Variants in MACROD2 observed in about 807,000 individuals in gnomAD.
The protein encoded by MACROD2 is ADP-ribose glycohydrolase MACROD2.
Under a neutral mutation model 70.4 loss-of-function variants are expected in MACROD2, and 36 were observed. The observed-to-expected ratio is 0.51, with a 90% CI of 0.39 to 0.68. The LOEUF (loss-of-function observed/expected upper bound fraction) is 0.68. MACROD2 is among the 30% of genes least tolerant of loss of function. The pLI, the probability that MACROD2 is intolerant of heterozygous loss-of-function variation, is 0.00. For missense variants in MACROD2, 496 were observed against 538.4 expected, an observed-to-expected ratio of 0.92 and a Z score of 0.78; for synonymous variants, 172 against 178.8, an observed-to-expected ratio of 0.96 and a Z score of 0.30.
intron 3 of MACROD2, among the ~76,000 whole-genome samples, chr20:14,088,821 T>C (rs1300406488): frequency 6.6e-6 from 1 of 152,214 alleles, no homozygotes; most frequent in African/African-American, 2.4e-5. Context: ...ATTTAATATG[T>C]ATGATTGAAT....
At chr20:15,951,716 G>A (rs946719281) in intron 12 of MACROD2, among the ~76,000 whole-genome samples, 1 of 152,052 alleles carries the variant, frequency 6.6e-6, no homozygotes, top group Non-Finnish European at 1.5e-5. Flanking sequence ...TATGTGCAAG[G>A]CGATATTTCT....
At chr20:16,046,248 T>G (rs1347250851) in intron 17 of MACROD2, among the ~76,000 whole-genome samples, 1 of 152,150 alleles carries the variant, frequency 6.6e-6, no homozygotes, top group Non-Finnish European at 1.5e-5. Flanking sequence ...TAAAACTAAA[T>G]GTAATGGTAT....
intron 8 of MACROD2, among the ~76,000 whole-genome samples, chr20:15,752,724 C>T (rs2051291137): frequency 6.6e-6 from 1 of 152,062 alleles, no homozygotes; most frequent in Admixed American, 6.6e-5. Context: ...GCTGGAATCA[C>T]TTGTATATTT....
At chr20:15,662,820 G>T (rs564179415) in intron 8 of MACROD2, among the ~76,000 whole-genome samples, 5 of 151,718 alleles carry the variant, frequency 3.3e-5, no homozygotes, top group African/African-American at 1.2e-4. Context: ...AAATATTGCA[G>T]TTGGTATGTT....
chr20:15,722,194 A>G (rs1166880090), intron 8 of MACROD2, among the ~76,000 whole-genome samples: 1 of 152,144 alleles, frequency 6.6e-6, no homozygotes, highest in African/African-American at 2.4e-5. Context: ...TAATGGGGCT[A>G]TGAATGGTTT....
intron 5 of MACROD2, among the ~76,000 whole-genome samples, chr20:14,856,656 G>A (rs890602588): frequency 1.3e-5 from 2 of 152,138 alleles, no homozygotes; most frequent in African/African-American, 4.8e-5. Context: ...CCCAGGGGTG[G>A]TGTGAAAATA....
At chr20:14,907,493 G>A (rs1258555917) in intron 5 of MACROD2, among the ~76,000 whole-genome samples, 3 of 152,200 alleles carry the variant, frequency 2.0e-5, no homozygotes, top group African/African-American at 7.2e-5. Context: ...TCAGTATGTG[G>A]TCCAGGAGGG....
chr20:15,419,165 G>A (rs929794966), intron 6 of MACROD2, among the ~76,000 whole-genome samples: 3 of 152,140 alleles, frequency 2.0e-5, no homozygotes, highest in Non-Finnish European at 4.4e-5. Context: ...GCAAATCCCA[G>A]GTGATTACCC....
At chr20:14,971,664 T>A (rs536246845) in intron 5 of MACROD2, among the ~76,000 whole-genome samples, 1 of 152,184 alleles carries the variant, frequency 6.6e-6, no homozygotes, top group Non-Finnish European at 1.5e-5. Flanking sequence ...GCTTGAGTCA[T>A]CTGAAGACTC....
At chr20:15,334,686 A>G (rs980029401) in intron 6 of MACROD2, among the ~76,000 whole-genome samples, 1 of 151,648 alleles carries the variant, frequency 6.6e-6, no homozygotes, top group African/African-American at 2.4e-5. Flanking sequence ...GGCACCATGG[A>G]AAGTCTCATA....
chr20:15,308,080 A>T (rs1481097188), intron 6 of MACROD2, among the ~76,000 whole-genome samples: 3 of 152,156 alleles, frequency 2.0e-5, no homozygotes, highest in African/African-American at 7.2e-5. Context: ...ATTACAGGTA[A>T]TGGTAAGTTT....
intron 3 of MACROD2, among the ~76,000 whole-genome samples, chr20:14,298,857 T>C (rs1250095398): frequency 1.3e-5 from 2 of 152,216 alleles, no homozygotes; most frequent in Admixed American, 6.5e-5. Flanking sequence ...ACTAGAAGTG[T>C]ATCCTGAAGA....
chr20:15,918,198 A>G (rs1173415854), intron 10 of MACROD2, among the ~76,000 whole-genome samples: 1 of 152,218 alleles, frequency 6.6e-6, no homozygotes, highest in Non-Finnish European at 1.5e-5. Context: ...CCAAAAAATC[A>G]TAATTTAATT....
At chr20:15,185,342 C>G (rs944685391) in intron 5 of MACROD2, among the ~76,000 whole-genome samples, 2 of 152,214 alleles carry the variant, frequency 1.3e-5, no homozygotes, top group East Asian at 3.9e-4. Flanking sequence ...TCTGATGCCT[C>G]GAAATGTCTA....
At position 15,140,857 on chromosome 20, in the gene MACROD2, AGT is replaced by A. The variant is rs1252346696; in HGVS notation, c.419-89082_419-89081del. On this transcript the variant is annotated intron_variant, in intron 5 of 17. Transcript: ENST00000684519. ...CAACTGCCCTCATTAATCATAAGTC[AGT>A]TGTGAAAGACCATAATGACAGTAAC... Among the ~76,000 whole-genome samples the A allele has an allele frequency of 2.0e-5, 3 of 152,210 alleles. No homozygotes were observed. The East Asian group carries it at 5.8e-4, about 29-fold the overall frequency.
chr20:14,509,776 A>C (rs1321245494), intron 4 of MACROD2, among the ~76,000 whole-genome samples: 1 of 151,980 alleles, frequency 6.6e-6, no homozygotes, highest in Non-Finnish European at 1.5e-5. Flanking sequence ...TTATTATTTT[A>C]AATATTAGCA....
intron 2 of MACROD2, among the ~76,000 whole-genome samples, chr20:14,053,926 A>T (rs911808036): frequency 1.3e-5 from 2 of 152,108 alleles, no homozygotes; most frequent in African/African-American, 4.8e-5. Flanking sequence ...TTTCTATTAA[A>T]TGTTGAGCTT....
intron 3 of MACROD2, among the ~76,000 whole-genome samples, chr20:14,439,811 G>A (rs572744382): frequency 2.0e-5 from 3 of 152,294 alleles, no homozygotes; most frequent in Admixed American, 2.0e-4. Context: ...AATTAATGGA[G>A]TGAAAAGGTT....
intron 5 of MACROD2, among the ~76,000 whole-genome samples, chr20:15,006,001 C>G (rs1375212999): frequency 1.3e-5 from 2 of 152,154 alleles, no homozygotes; most frequent in Non-Finnish European, 2.9e-5. Context: ...CATATCGTCT[C>G]TAGCCTAAAT....
Sources: gnomAD v4.1 joint callset for allele counts (sites outside exome capture counted in the v4.1 genomes callset) on GRCh38, gnomAD v4.1.1 for gene constraint, MANE v1.5 for transcripts, NCBI Gene and HGNC (gene_info 2026-07-23, HGNC 2026-07-21) for gene names.